ANGEL2: variants seen among roughly 807,000 people sequenced by gnomAD.
ANGEL2 encodes RNA 2',3'-cyclic phosphatase ANGEL2.
Under a neutral mutation model 66.0 loss-of-function variants are expected in ANGEL2, and 41 were observed. That is an observed-to-expected ratio of 0.62 (90% CI 0.48 to 0.81). ANGEL2 has a LOEUF of 0.81. Ranked by LOEUF, ANGEL2 falls within the 30% of genes least tolerant of loss-of-function variation. ANGEL2 has a pLI of 0.00. For missense variants in ANGEL2, 561 were observed against 641.6 expected (o/e 0.87, Z 1.36); for synonymous variants, 208 against 226.5 (o/e 0.92, Z 0.73).
chr1:213,007,224 TAGAACACAG>T, intron 3 of ANGEL2, 26 bp from the exon 4 acceptor site: 1 of 1,504,344 alleles, frequency 6.6e-7, no homozygotes, highest in Non-Finnish European at 8.9e-7. Flanking sequence ...TAGCTTGAAT[TAGAACACAG>T]AGATGCAATC....
chr1:213,015,453 C>A, intron 1 of ANGEL2, 160 bp downstream of exon 1: 1 of 1,438,796 alleles, frequency 7.0e-7, no homozygotes, highest in Non-Finnish European at 9.1e-7. Flanking sequence ...CCCGCTTGGT[C>A]TCTGGAGGCT....
intron 5 of ANGEL2, chr1:213,001,125 T>C (rs1357185709): frequency 4.0e-6 from 2 of 505,782 alleles, no homozygotes; most frequent in Admixed American, 4.0e-5. Flanking sequence ...ACAATCTTTT[T>C]CCCATACATG....
chr1:213,000,659 A>G (rs1034827593), intron 6 of ANGEL2, 127 bp downstream of exon 6: 1 of 1,088,592 alleles, frequency 9.2e-7, no homozygotes, highest in Non-Finnish European at 1.2e-6. Context: ...AAAAAAAATG[A>G]ATAACTACAT....
In ANGEL2 at chr1:213,013,249, T is replaced by G. The variant is rs59221415; in HGVS notation, c.229A>C (p.Asn77His). Reference sequence around the variant, plus strand: ...TCAAACAAACAGGGTGGTCTCCAATTTAGTGAAAAATGCCTACTACTGAAG... The same window carrying G: ...TCAAACAAACAGGGTGGTCTCCAATGTAGTGAAAAATGCCTACTACTGAAG... ...PYFSSRHFSL[N>H]WRPPCLFESR... is the part of the protein sequence containing the mutation. The change falls in exon 2 of 9, where the codon AAT becomes CAT. Residue 77 changes from asparagine (N) to histidine (H), a missense_variant. By Grantham distance (68) the Asn-to-His change is moderately conservative. Transcript: ENST00000366962. The G allele has an allele frequency of 3.6e-4, 589 of 1,614,054 alleles. 8 individuals are homozygous for G. The East Asian group carries it at 0.013, about 35-fold the overall frequency.
In ANGEL2 at chr1:213,015,077, C is replaced by G; in HGVS notation, c.59+536G>C. 9 of 971,904 alleles carry G rather than the reference C, an allele frequency of 9.3e-6. No individual in the cohort carries two copies. The South Asian group carries it at 3.3e-4, about 36-fold the overall frequency. 60.2% of individuals were successfully genotyped at this position (971,904 alleles called of 1,614,324 possible). A position where few individuals can be genotyped will look rare whatever the true frequency, so the allele number is the denominator to read the frequency against. On this transcript the variant is annotated intron_variant, in intron 1 of 8. Coordinates refer to ENST00000366962, the MANE Select transcript of ANGEL2 (RefSeq NM_144567.5). ...AAAGAAAAATATCCAGTAAATAATACACGTGAAACAAGAACTTGGCCATAA... is the reference window on the plus strand; with the variant it reads ...AAAGAAAAATATCCAGTAAATAATAGACGTGAAACAAGAACTTGGCCATAA...
chr1:213,015,522 C>A, intron 1 of ANGEL2, 91 bp downstream of exon 1: 1 of 1,405,644 alleles, frequency 7.1e-7, no homozygotes, highest in Non-Finnish European at 9.4e-7. Flanking sequence ...CTAGCCCGCC[C>A]CGCCCCGCCC....
Position 213,010,342 on chromosome 1 carries a change from C to T in ANGEL2, c.386-1876G>A, listed in dbSNP as rs992991483. Among the ~76,000 whole-genome samples the T allele has an allele frequency of 3.9e-5, 6 of 152,046 alleles. No individual in the cohort carries two copies. The East Asian group carries it at 1.2e-3, about 29-fold the overall frequency. ...ATCCCAGCACTTTGGGAGGCCAAGG[C>T]GGGTGGATCACAAGGTCAGGAGACC... is the stretch of plus-strand genomic sequence containing the variant. On this transcript the variant is annotated intron_variant, in intron 2 of 8. Coordinates refer to ENST00000366962, the MANE Select transcript of ANGEL2 (RefSeq NM_144567.5).
chr1:213,004,723 C>A (rs935995457), intron 5 of ANGEL2, among the ~76,000 whole-genome samples: 1 of 151,964 alleles, frequency 6.6e-6, no homozygotes, highest in African/African-American at 2.4e-5. Context: ...CAAAAATTAG[C>A]CAGGTGTGGT....
chr1:212,996,695 A>C (rs1466767952), intron 8 of ANGEL2, among the ~76,000 whole-genome samples: 1 of 145,182 alleles, frequency 6.9e-6, no homozygotes, highest in Non-Finnish European at 1.5e-5. Flanking sequence ...GAAAAATCCA[A>C]TATTCCAGAG....
At chr1:212,998,830 TTTTTC>T (rs564662693) in intron 7 of ANGEL2, among the ~76,000 whole-genome samples, 3 of 151,554 alleles carry the variant, frequency 2.0e-5, no homozygotes, top group Admixed American at 6.6e-5. Flanking sequence ...CCGGCCTCTT[TTTTTC>T]TTTTAATTTT....
At chr1:213,009,866 C>T (rs2076449121) in intron 2 of ANGEL2, among the ~76,000 whole-genome samples, 1 of 152,142 alleles carries the variant, frequency 6.6e-6, no homozygotes, top group African/African-American at 2.4e-5. Flanking sequence ...GCCTGGCCAA[C>T]ATGGCGAAAC....
chr1:213,011,311 G>C, intron 2 of ANGEL2: 1 of 1,271,374 alleles, frequency 7.9e-7, no homozygotes, highest in Non-Finnish European at 1.0e-6. Flanking sequence ...TAATTACAAA[G>C]TCATAATTGT....
chr1:212,997,449 C>A, intron 7 of ANGEL2, 131 bp from the exon 8 acceptor site: 3 of 732,538 alleles, frequency 4.1e-6, no homozygotes, highest in Non-Finnish European at 6.5e-6. Flanking sequence ...TTAAAAAGAC[C>A]ATATCATAAT....
Position 213,000,887 on chromosome 1 carries a change from C to T in ANGEL2, c.1160G>A (p.Arg387Gln), listed in dbSNP as rs144294999. Residue 387 changes from arginine (R) to glutamine (Q), a missense_variant, in exon 6 of 9, where the codon CGG becomes CAG. Transcript: ENST00000366962. The stretch of plus-strand genomic sequence containing the variant: ...TGGAATAGATAAAATTCTTTGTCCC[C>T]GTGAAGACTGTTCCTGGCCAGATAC... The part of the protein sequence containing the change: ...GKVSGQEQSS[R>Q]GQRILSIPIW... 1.6e-5 allele frequency: 25 copies of T among 1,611,466 alleles called. No homozygotes were observed. Among genetic ancestry groups the T allele is most frequent in the Middle Eastern group, 1.6e-4 (1 of 6,068 alleles).
At chr1:213,002,737 G>C (rs923355633) in intron 5 of ANGEL2, among the ~76,000 whole-genome samples, 1 of 152,056 alleles carries the variant, frequency 6.6e-6, no homozygotes, top group Non-Finnish European at 1.5e-5. Flanking sequence ...GGGCAACATG[G>C]TGAAACGCCA....
intron 7 of ANGEL2, among the ~76,000 whole-genome samples, chr1:212,997,550 T>C (rs558238891): frequency 6.6e-6 from 1 of 152,330 alleles, no homozygotes; most frequent in Admixed American, 6.5e-5. Context: ...ATAATTAACA[T>C]ACTAATGTGT....
intron 8 of ANGEL2, among the ~76,000 whole-genome samples, chr1:212,996,036 A>G (rs1046098302): frequency 5.9e-5 from 9 of 152,328 alleles, no homozygotes; most frequent in African/African-American, 1.7e-4. Context: ...GGCCGGGCAC[A>G]GTGGCTCACG....
chr1:213,004,859 C>A (rs1342895163), intron 5 of ANGEL2, among the ~76,000 whole-genome samples, 174 bp downstream of exon 5: 6 of 95,718 alleles, frequency 6.3e-5, no homozygotes, highest in African/African-American at 2.5e-4. Flanking sequence ...CAGAGTGAGA[C>A]TGTCTCAAAA....
At chr1:213,014,449 A>AT (rs2076586319) in intron 1 of ANGEL2, among the ~76,000 whole-genome samples, 1 of 152,176 alleles carries the variant, frequency 6.6e-6, no homozygotes, top group Non-Finnish European at 1.5e-5. Flanking sequence ...TGTTCTCTAA[A>AT]ATCTACTTAA....
Sources: allele counts gnomAD v4.1 joint callset (sites outside exome capture counted in the v4.1 genomes callset), GRCh38; gene constraint gnomAD v4.1.1; transcripts MANE v1.5; gene names NCBI Gene and HGNC (gene_info 2026-07-23, HGNC 2026-07-21).